GPR137: variants seen among roughly 807,000 people sequenced by gnomAD.
The protein encoded by GPR137 is G protein-coupled receptor 137.
In GPR137, 20 loss-of-function variants were observed where a neutral mutation model predicts 38.9. That is an observed-to-expected ratio of 0.51 (90% CI 0.36 to 0.75). The LOEUF (loss-of-function observed/expected upper bound fraction) is 0.75, where lower values mean the gene tolerates loss of function less well. Ranked by LOEUF, GPR137 falls within the 30% of genes least tolerant of loss-of-function variation. GPR137 has a pLI of 0.00. For synonymous variants in GPR137, 226 were observed against 235.8 expected, an observed-to-expected ratio of 0.96 and a Z score of 0.38; for missense variants, 456 against 526.4, an observed-to-expected ratio of 0.87 and a Z score of 1.31.
At chr11:64,282,756 G>A (rs560665633), upstream of GPR137, among the ~76,000 whole-genome samples, 34 of 152,106 alleles carry the variant, frequency 2.2e-4, no homozygotes, top group African/African-American at 8.2e-4. Flanking sequence ...ACACGCGCCT[G>A]TAGTCCCAGC....
rs1015589117 is a variant in GPR137, at chr11:64,285,993, C to G, written c.-532C>G. On this transcript the variant is annotated 5_prime_UTR_variant, in exon 1 of 7. Coordinates refer to ENST00000438980, the MANE Select transcript of GPR137 (RefSeq NM_001170880.2). ...GCGGTGGGGGAGGGTGGGGCGGGGG[C>G]AGCTTTCGAGAATTACGAGGACAGG... 37 of 983,110 alleles carry G rather than the reference C, an allele frequency of 3.8e-5. No homozygotes were observed. The highest frequency in any genetic ancestry group is 4.5e-5 in the Non-Finnish European group (37 of 827,890). 60.9% of individuals were successfully genotyped at this position (983,110 alleles called of 1,614,324 possible).
At chr11:64,270,753 C>T, upstream of GPR137, 1 of 459,316 alleles carries the variant, frequency 2.2e-6, no homozygotes, top group South Asian at 1.6e-5. Flanking sequence ...CGTGATCGCA[C>T]CACTGCACTC....
chr11:64,276,816 C>G, intron 2 of GPR137: 2 of 672,462 alleles, frequency 3.0e-6, no homozygotes, highest in Non-Finnish European at 5.5e-6. Context: ...CCCACTCTTG[C>G]CATCCGCCTA....
chr11:64,285,395 G>A (rs928905662), upstream of GPR137: 1 of 984,900 alleles, frequency 1.0e-6, no homozygotes, highest in Non-Finnish European at 1.2e-6. Flanking sequence ...GCAGGGCCGC[G>A]GGCGCGCCGG....
Position 64,288,460 on chromosome 11 carries a change from C to T in GPR137, c.904C>T (p.Gln302Ter). ...CTTCTTCCGGGTGCACCGGCCCCCA[C>T]AGGACCTGGTAAGGGTCTGCTCCCT... ...VGFFRVHRPPQDLSTSHILNG... is the reference protein window; with the variant it reads ...VGFFRVHRPP The change falls in exon 5 of 7, where the codon CAG becomes TAG. Residue 302 changes from glutamine (Q) to a stop codon, truncating the protein, a stop_gained. Coordinates refer to ENST00000438980, the MANE Select transcript of GPR137 (RefSeq NM_001170880.2). LOFTEE classifies it high-confidence loss of function. This position sits in a 1 kb window ranked among gnomAD's most constrained non-coding sequence, Gnocchi z 5.5. 6.2e-7 allele frequency: 1 copy of T among 1,613,348 alleles called. No individual in the cohort carries two copies. The highest frequency in any genetic ancestry group is 8.5e-7 in the Non-Finnish European group (1 of 1,179,948).
At position 64,289,407 on chromosome 11, in the gene GPR137, C is replaced by G. The variant is rs753279054; in HGVS notation, c.*211C>G. The stretch of plus-strand genomic sequence containing the variant: ...CTGGCTGCCAGATGCCCACAGCACC[C>G]TGGCATGACCTGCCACCTCTGCTTC... On this transcript the variant is annotated 3_prime_UTR_variant, in exon 7 of 7. Coordinates refer to ENST00000438980, the MANE Select transcript of GPR137 (RefSeq NM_001170880.2). 2 of 1,534,642 alleles carry G rather than the reference C, an allele frequency of 1.3e-6. No homozygotes were observed. The highest frequency in any genetic ancestry group is 8.7e-7 in the Non-Finnish European group (1 of 1,143,030).
At chr11:64,287,201 C>A in intron 2 of GPR137, 187 bp downstream of exon 2, 1 of 985,244 alleles carries the variant, frequency 1.0e-6, no homozygotes, top group Non-Finnish European at 1.2e-6. Context: ...CTGCAAGGCA[C>A]AGGAATAGGA....
At chr11:64,270,576 G>A (rs897648749) in exon 1 of GPR137, 1 of 707,140 alleles carries the variant, frequency 1.4e-6, no homozygotes, top group South Asian at 1.5e-5. Flanking sequence ...AGGATGCCTA[G>A]GGCCCTAAAT....
chr11:64,274,130 C>T (rs529430164), upstream of GPR137, among the ~76,000 whole-genome samples: 2 of 152,226 alleles, frequency 1.3e-5, no homozygotes, highest in Admixed American at 6.5e-5. Flanking sequence ...CGGTGGCTTA[C>T]GCCTTTAATC....
intron 2 of GPR137, chr11:64,276,700 GA>G: frequency 3.7e-6 from 2 of 541,186 alleles, no homozygotes; most frequent in East Asian, 6.3e-5. Context: ...TTCCCTGGGG[GA>G]AGGAGAGGGC....
chr11:64,275,841 T>C (rs1399421460), intron 1 of GPR137: 2 of 151,780 alleles, frequency 1.3e-5, no homozygotes, highest in Non-Finnish European at 1.5e-5. Flanking sequence ...ACTGGGCAGG[T>C]ATGGTGGATG....
exon 1 of GPR137, chr11:64,270,654 G>C: frequency 1.7e-6 from 1 of 590,624 alleles, no homozygotes; most frequent in South Asian, 1.5e-5. Context: ...AAAGGGCCGG[G>C]AGCGATGGTG....
At chr11:64,276,327 T>TAC (rs1346413195) in intron 1 of GPR137, 1 of 152,012 alleles carries the variant, frequency 6.6e-6, no homozygotes, top group Non-Finnish European at 1.5e-5. Flanking sequence ...TATATATATA[T>TAC]ATGTATTTTT....
At position 64,288,159 on chromosome 11, in the gene GPR137, C is replaced by A; in HGVS notation, c.728C>A (p.Ala243Asp). ...ACYNLTALAL[A>D]PQSRLDTFDY... ...TACAACCTGACAGCACTGGCCTTGG[C>A]CCCCCAGAGCCGGCTGGACACCTTC... is the stretch of plus-strand genomic sequence containing the variant. The change falls in exon 4 of 7, where the codon GCC becomes GAC. Residue 243 changes from alanine (A) to aspartate (D), a missense_variant. By Grantham distance (126) the Ala-to-Asp change is moderately radical. Transcript: ENST00000438980. This position sits in a 1 kb window ranked among gnomAD's most constrained non-coding sequence, Gnocchi z 5.5. 6.2e-7 allele frequency: 1 copy of A among 1,612,904 alleles called. No individual in the cohort carries two copies. Among genetic ancestry groups the A allele is most frequent in the East Asian group, 2.2e-5 (1 of 44,882 alleles).
chr11:64,277,726 G>T (rs563933212), intron 2 of GPR137, among the ~76,000 whole-genome samples: 1 of 152,280 alleles, frequency 6.6e-6, no homozygotes, highest in Admixed American at 6.5e-5. Flanking sequence ...GGTATGAAAG[G>T]CTGGCTGGCA....
Position 64,288,297 on chromosome 11 carries a change from T to C in GPR137, c.784-43T>C. 6.2e-7 allele frequency: 1 copy of C among 1,612,828 alleles called. No individual in the cohort carries two copies. The highest frequency in any genetic ancestry group is 8.5e-7 in the Non-Finnish European group (1 of 1,179,740). The stretch of plus-strand genomic sequence containing the variant: ...GCCTGGGCCCTGTCCCACTACCCCT[T>C]TGGCGTGACTGCAGACTGGCACCAG... On this transcript the variant is annotated intron_variant, in intron 4 of 6. Coordinates refer to ENST00000438980, the MANE Select transcript of GPR137 (RefSeq NM_001170880.2). This position sits in a 1 kb window ranked among gnomAD's most constrained non-coding sequence, Gnocchi z 5.5.
chr11:64,284,676 T>A (rs1565353968), upstream of GPR137: 1 of 1,535,368 alleles, frequency 6.5e-7, no homozygotes, highest in African/African-American at 1.4e-5. Flanking sequence ...GCCGCCTCCC[T>A]CCAGCACCCC....
At chr11:64,287,403 T>A (rs2034215360) in intron 2 of GPR137, 1 of 802,746 alleles carries the variant, frequency 1.2e-6, no homozygotes, top group Admixed American at 6.2e-5. Context: ...TTGTACAATT[T>A]CCCTGAGAGG....
upstream of GPR137, chr11:64,284,132 G>A (rs1272491119): frequency 6.6e-7 from 1 of 1,515,792 alleles, no homozygotes; most frequent in South Asian, 1.3e-5. Flanking sequence ...CAGGGAGCCA[G>A]TGGGCTGGGG....
Sources: allele counts gnomAD v4.1 joint callset (sites outside exome capture counted in the v4.1 genomes callset), GRCh38; gene constraint gnomAD v4.1.1; non-coding constraint Gnocchi (gnomAD v3.1); transcripts MANE v1.5; gene names NCBI Gene and HGNC (gene_info 2026-07-23, HGNC 2026-07-21).